CHSY1: variants seen among roughly 807,000 people sequenced by gnomAD.
The protein encoded by CHSY1 is chondroitin sulfate synthase 1.
In CHSY1, 13 loss-of-function variants were observed where a neutral mutation model predicts 59.8. That is an observed-to-expected ratio of 0.22 (90% CI 0.14 to 0.35). The LOEUF (loss-of-function observed/expected upper bound fraction) is 0.35. Ranked by LOEUF, CHSY1 falls within the 10% of genes least tolerant of loss-of-function variation. CHSY1 has a pLI of 1.00. For synonymous variants in CHSY1, 459 were observed against 401.2 expected (o/e 1.14, Z -1.72); for missense variants, 947 against 1,030.6 (o/e 0.92, Z 1.11).
At chr15:101,179,026 T>C (rs1403585196) in intron 2 of CHSY1, 46 bp from the exon 3 acceptor site, 2 of 1,573,998 alleles carry the variant, frequency 1.3e-6, no homozygotes, top group Non-Finnish European at 1.7e-6. Context: ...ATTGTATGAT[T>C]GAGTGCCAGC....
At chr15:101,204,040 C>T (rs1008142061) in intron 2 of CHSY1, among the ~76,000 whole-genome samples, 2 of 152,118 alleles carry the variant, frequency 1.3e-5, no homozygotes, top group South Asian at 2.1e-4. Flanking sequence ...TTGATTACTG[C>T]GTTGTGTTTA....
At chr15:101,185,255 T>C (rs558387060) in intron 2 of CHSY1, among the ~76,000 whole-genome samples, 1 of 152,184 alleles carries the variant, frequency 6.6e-6, no homozygotes. Flanking sequence ...AAAGCAAAAA[T>C]GTCAATGAGA....
chr15:101,223,994 T>C (rs1402260455), intron 2 of CHSY1, among the ~76,000 whole-genome samples: 1 of 152,264 alleles, frequency 6.6e-6, no homozygotes, highest in East Asian at 1.9e-4. Flanking sequence ...TTTCATATGT[T>C]GTGATATGTT....
At chr15:101,240,818 G>A (rs887776637) in intron 1 of CHSY1, among the ~76,000 whole-genome samples, 11 of 152,234 alleles carry the variant, frequency 7.2e-5, no homozygotes, top group African/African-American at 2.6e-4. Flanking sequence ...GGCATAAATG[G>A]GTTAATATCA....
At chr15:101,197,464 C>T (rs1290292299) in intron 2 of CHSY1, among the ~76,000 whole-genome samples, 1 of 152,120 alleles carries the variant, frequency 6.6e-6, no homozygotes, top group African/African-American at 2.4e-5. Context: ...GGAAACGTTT[C>T]CATCTGGACT....
At chr15:101,247,754 C>G (rs1342724264) in intron 1 of CHSY1, among the ~76,000 whole-genome samples, 1 of 152,036 alleles carries the variant, frequency 6.6e-6, no homozygotes, top group Non-Finnish European at 1.5e-5. Context: ...ATCTTGGTGG[C>G]CCCCATCCAT....
intron 2 of CHSY1, among the ~76,000 whole-genome samples, chr15:101,188,689 T>C (rs62019717): frequency 0.066 from 10,079 of 152,182 alleles, 725 homozygotes; most frequent in East Asian, 0.35. Flanking sequence ...CATTTCAAAA[T>C]AATTTTGAGA....
At chr15:101,217,741 GAACA>G (rs2038749070) in intron 2 of CHSY1, among the ~76,000 whole-genome samples, 1 of 152,148 alleles carries the variant, frequency 6.6e-6, no homozygotes, top group East Asian at 1.9e-4. Flanking sequence ...TGACATAACT[GAACA>G]AATAAATGAG....
intron 1 of CHSY1, among the ~76,000 whole-genome samples, chr15:101,238,422 G>C (rs1024516554): frequency 6.6e-6 from 1 of 152,164 alleles, no homozygotes; most frequent in African/African-American, 2.4e-5. Context: ...CTTTCAAGTA[G>C]AGGCAAAATT....
At chr15:101,230,212 G>A (rs2038879745) in intron 2 of CHSY1, among the ~76,000 whole-genome samples, 2 of 152,138 alleles carry the variant, frequency 1.3e-5, no homozygotes, top group Non-Finnish European at 2.9e-5. Flanking sequence ...AAAGTGCTGA[G>A]CCGCCACGCC....
intron 2 of CHSY1, among the ~76,000 whole-genome samples, chr15:101,218,457 C>T (rs751147790): frequency 6.6e-6 from 1 of 152,002 alleles, no homozygotes; most frequent in Non-Finnish European, 1.5e-5. Context: ...AATTAGCCTG[C>T]TGTGGTGGTG....
chr15:101,212,103 A>C (rs1039915320), intron 2 of CHSY1, among the ~76,000 whole-genome samples: 1 of 152,160 alleles, frequency 6.6e-6, no homozygotes, highest in African/African-American at 2.4e-5. Flanking sequence ...TGAAATCACA[A>C]TGAAGTAAAT....
chr15:101,193,570 G>A (rs959955083), intron 2 of CHSY1, among the ~76,000 whole-genome samples: 21 of 152,208 alleles, frequency 1.4e-4, no homozygotes, highest in African/African-American at 4.8e-4. Flanking sequence ...CCGCAGTCAC[G>A]CTGTGTGCAT....
At chr15:101,206,741 C>T (rs550695505) in intron 2 of CHSY1, among the ~76,000 whole-genome samples, 2 of 152,306 alleles carry the variant, frequency 1.3e-5, no homozygotes, top group South Asian at 2.1e-4. Flanking sequence ...TTTCCCTACA[C>T]AGAAGCAGCC....
At chr15:101,187,948 G>T in intron 2 of CHSY1, 1 of 857,738 alleles carries the variant, frequency 1.2e-6, no homozygotes, top group Non-Finnish European at 1.4e-6. Flanking sequence ...GCCCAGCTGG[G>T]AATAACCATC....
intron 1 of CHSY1, among the ~76,000 whole-genome samples, chr15:101,248,649 G>A (rs1407416084): frequency 3.3e-5 from 5 of 152,204 alleles, no homozygotes; most frequent in Admixed American, 6.5e-5. Context: ...AATAAACAAT[G>A]AGATTAAGTC....
intron 2 of CHSY1, among the ~76,000 whole-genome samples, chr15:101,229,213 T>C (rs1303029536): frequency 2.0e-5 from 3 of 152,242 alleles, no homozygotes; most frequent in Non-Finnish European, 4.4e-5. Flanking sequence ...AGTCCTCCTC[T>C]ATCAGTAATT....
At chr15:101,180,373 C>T (rs761211973) in intron 2 of CHSY1, among the ~76,000 whole-genome samples, 8 of 152,154 alleles carry the variant, frequency 5.3e-5, no homozygotes, top group Non-Finnish European at 1.0e-4. Context: ...CTTCCCACAC[C>T]GCTTATGCTC....
At chr15:101,188,854 C>G (rs1016277923) in intron 2 of CHSY1, among the ~76,000 whole-genome samples, 1 of 152,232 alleles carries the variant, frequency 6.6e-6, no homozygotes, top group Non-Finnish European at 1.5e-5. Flanking sequence ...AGACCCTTAT[C>G]TGCAGTCCGA....
Sources: allele counts gnomAD v4.1 joint callset (sites outside exome capture counted in the v4.1 genomes callset), GRCh38; gene constraint gnomAD v4.1.1; transcripts MANE v1.5; gene names NCBI Gene and HGNC (gene_info 2026-07-23, HGNC 2026-07-21).